Variants in BPIFB3 observed in about 807,000 individuals in gnomAD.
BPIFB3 encodes BPI fold-containing family B member 3.
Under a neutral mutation model 53.1 loss-of-function variants are expected in BPIFB3, and 49 were observed. That is an observed-to-expected ratio of 0.92 (90% CI 0.73 to 1.17). The LOEUF is 1.17. Among genes scored for constraint, BPIFB3 ranks in the 50% most tolerant of loss-of-function variants. BPIFB3 has a pLI of 0.00. For synonymous variants in BPIFB3, 271 were observed against 269.6 expected, an observed-to-expected ratio of 1.01 and a Z score of -0.05; for missense variants, 628 against 592.5, an observed-to-expected ratio of 1.06 and a Z score of -0.62.
At chr20:33,060,180 C>A in intron 4 of BPIFB3, 149 bp downstream of exon 5, 1 of 1,066,834 alleles carries the variant, frequency 9.4e-7, no homozygotes, top group Non-Finnish European at 1.3e-6. Context: ...CAACCCACTT[C>A]ACAGACCGAC....
Position 33,059,373 on chromosome 20 carries a change from C to T in BPIFB3, c.282-5C>T, listed in dbSNP as rs1255789431. On this transcript the variant is annotated splice_region_variant and splice_polypyrimidine_tract_variant and intron_variant, in intron 2 of 14. Coordinates refer to ENST00000375494, the Ensembl canonical transcript of BPIFB3. Reference sequence around the variant, plus strand: ...GAGCAACCCTCTCCCTGACTCCCATCCTAGTCTGAAGATTGAGGAGCTCAC... The same window carrying T: ...GAGCAACCCTCTCCCTGACTCCCATTCTAGTCTGAAGATTGAGGAGCTCAC... 1 of 1,607,512 alleles carries T rather than the reference C, an allele frequency of 6.2e-7. No individual in the cohort carries two copies.
chr20:33,064,455 A>G lies in BPIFB3; in HGVS notation c.653-2A>G. 1 of 1,613,740 alleles carries G rather than the reference A, an allele frequency of 6.2e-7. No individual in the cohort carries two copies. Among genetic ancestry groups the G allele is most frequent in the Non-Finnish European group, 8.5e-7 (1 of 1,179,672 alleles). On this transcript the variant is annotated splice_acceptor_variant, in intron 6 of 14. Coordinates refer to ENST00000375494, the Ensembl canonical transcript of BPIFB3. LOFTEE classifies it high-confidence loss of function. Reference sequence around the variant, plus strand: ...CGTTCTCGCCCCCACTTTCCCACGCAGGCCTGGTGTCCCTTGGGGCTCTTG... The same window carrying G: ...CGTTCTCGCCCCCACTTTCCCACGCGGGCCTGGTGTCCCTTGGGGCTCTTG...
rs1432255555 is a variant in BPIFB3, at chr20:33,066,870, TC to T, written c.974del (p.Pro325LeufsTer19). 1.9e-6 allele frequency: 3 copies of T among 1,614,028 alleles called. No individual in the cohort carries two copies. The highest frequency in any genetic ancestry group is 1.3e-5 in the African/African-American group (1 of 74,910). On this transcript the variant is annotated frameshift_variant, in exon 9 of 15. Coordinates refer to ENST00000375494, the Ensembl canonical transcript of BPIFB3. LOFTEE classifies it high-confidence loss of function. Reference sequence around the variant, plus strand: ...ACAACTACAGACCTGGCAGCTTTGCTCCCTGAGGTGAGTGACGCTCTCATGG... The same window carrying T: ...ACAACTACAGACCTGGCAGCTTTGCTCCTGAGGTGAGTGACGCTCTCATGG...
intron 1 of BPIFB3, among the ~76,000 whole-genome samples, chr20:33,056,231 G>A (rs1568991907): frequency 6.6e-6 from 1 of 152,182 alleles, no homozygotes; most frequent in Non-Finnish European, 1.5e-5. Context: ...CTTTGGACAC[G>A]TCTCTGCCCC....
At chr20:33,066,927 C>T (rs1160179795) in intron 9 of BPIFB3, 50 bp downstream of exon 10, 17 of 1,575,350 alleles carry the variant, frequency 1.1e-5, no homozygotes, top group Non-Finnish European at 1.4e-5. Flanking sequence ...TTCCTGATGA[C>T]CATGAATGGA....
chr20:33,056,461 TCA>T, intron 1 of BPIFB3, 79 bp from the exon 3 acceptor site: 1 of 1,529,716 alleles, frequency 6.5e-7, no homozygotes. Context: ...CTACTCAATC[TCA>T]GAGGAAGGAG....
intron 2 of BPIFB3, 69 bp from the exon 4 acceptor site, chr20:33,059,309 G>A (rs1980342601): frequency 6.7e-6 from 8 of 1,194,116 alleles, no homozygotes; most frequent in Middle Eastern, 2.7e-4. Flanking sequence ...ACCACCAAGA[G>A]CCACTCTGGG....
At chr20:33,056,821 C>T (rs910690451) in intron 2 of BPIFB3, 123 bp downstream of exon 3, 57 of 1,243,482 alleles carry the variant, frequency 4.6e-5, no homozygotes, top group Admixed American at 1.2e-4. Flanking sequence ...GGTTGTGATC[C>T]GGGTCTAAAA....
At chr20:33,058,232 G>T (rs1980299862) in intron 2 of BPIFB3, among the ~76,000 whole-genome samples, 1 of 152,236 alleles carries the variant, frequency 6.6e-6, no homozygotes. Flanking sequence ...GGTACTGGGA[G>T]CGGAAAGAAG....
intron 11 of BPIFB3, among the ~76,000 whole-genome samples, 184 bp downstream of exon 12, chr20:33,070,139 C>T (rs530437655): frequency 1.3e-5 from 2 of 152,294 alleles, no homozygotes; most frequent in South Asian, 2.1e-4. Flanking sequence ...GACAAGGAAT[C>T]GGGGGCTCAG....
intron 8 of BPIFB3, among the ~76,000 whole-genome samples, chr20:33,066,097 T>C (rs1980660639): frequency 6.6e-6 from 1 of 152,200 alleles, no homozygotes; most frequent in African/African-American, 2.4e-5. Flanking sequence ...ATGCTTATCC[T>C]GTGTGAACAG....
upstream of BPIFB3, among the ~76,000 whole-genome samples, chr20:33,055,245 C>T (rs925453412): frequency 1.3e-5 from 2 of 152,196 alleles, no homozygotes; most frequent in African/African-American, 2.4e-5. Flanking sequence ...GCAGCTGCAC[C>T]GTGCCACCTG....
intron 11 of BPIFB3, 27 bp downstream of exon 12, chr20:33,069,982 C>G (rs1218987581): frequency 6.2e-7 from 1 of 1,610,996 alleles, no homozygotes; most frequent in South Asian, 1.1e-5. Context: ...GGGACAGGAT[C>G]TTGTTCTTGT....
chr20:33,056,802 G>T, intron 2 of BPIFB3, 104 bp downstream of exon 3: 1 of 1,366,636 alleles, frequency 7.3e-7, no homozygotes, highest in South Asian at 1.5e-5. Flanking sequence ...AGTGAAGGTT[G>T]TGTGGGAGGG....
chr20:33,056,589 G>T lies in BPIFB3; in HGVS notation c.172G>T (p.Gly58Ter). 6.2e-7 allele frequency: 1 copy of T among 1,614,020 alleles called. No homozygotes were observed. ...GGAGCCCATTCTGCAGAATGTGCTG[G>T]GATCGGTCACAGCTGTGAACCGGGG... The change falls in exon 2 of 15, where the codon GGA becomes TGA. Residue 58 changes from glycine to a stop codon, truncating the protein, a stop_gained. Transcript: ENST00000375494. LOFTEE classifies it high-confidence loss of function.
At chr20:33,059,814 G>A (rs2146382149) in intron 3 of BPIFB3, 77 bp from the exon 5 acceptor site, 12 of 1,553,618 alleles carry the variant, frequency 7.7e-6, no homozygotes, top group Non-Finnish European at 9.6e-6. Flanking sequence ...CTAGGCCACT[G>A]GCAGGGCCAC....
chr20:33,055,381 C>T (rs752327527), upstream of BPIFB3: 3 of 1,604,852 alleles, frequency 1.9e-6, no homozygotes, highest in Non-Finnish European at 1.7e-6. Context: ...AAGGCTTGAG[C>T]AGGAGAAGGG....
At chr20:33,061,655 C>T (rs1027028301) in intron 4 of BPIFB3, 113 bp from the exon 6 acceptor site, 14 of 1,046,588 alleles carry the variant, frequency 1.3e-5, no homozygotes, top group African/African-American at 1.6e-5. Context: ...TCAACACCAC[C>T]CCCAAGAGAA....
chr20:33,056,403 C>T (rs1255810487), intron 1 of BPIFB3, 139 bp from the exon 3 acceptor site: 23 of 1,167,804 alleles, frequency 2.0e-5, no homozygotes, highest in Non-Finnish European at 2.5e-5. Flanking sequence ...TAGTGGGTTC[C>T]ACCATTTGAG....
Sources: allele counts gnomAD v4.1 joint callset (sites outside exome capture counted in the v4.1 genomes callset), GRCh38; gene constraint gnomAD v4.1.1; transcripts MANE v1.5; gene names NCBI Gene and HGNC (gene_info 2026-07-23, HGNC 2026-07-21).